Variants in CHN2 observed in about 807,000 individuals in gnomAD.
The protein encoded by CHN2 is beta-chimaerin.
A neutral mutation model predicts 56.3 loss-of-function variants in CHN2; 35 were observed. The ratio of observed to expected loss-of-function variants is 0.62; its 90% CI spans 0.47 to 0.82. The LOEUF (loss-of-function observed/expected upper bound fraction) is 0.82. Among genes scored for constraint, CHN2 ranks in the 40% least tolerant of loss-of-function variants. The probability of loss-of-function intolerance (pLI) is 0.00; values close to 1 mark genes in which losing one functional copy is unlikely to be tolerated. For missense variants in CHN2, 491 were observed against 580.5 expected (o/e 0.85, Z 1.58); for synonymous variants, 210 against 212.8 (o/e 0.99, Z 0.12).
At chr7:29,432,711 A>G (rs1290197244) in intron 6 of CHN2, among the ~76,000 whole-genome samples, 1 of 152,188 alleles carries the variant, frequency 6.6e-6, no homozygotes, top group East Asian at 1.9e-4. Context: ...ATGTAAAATC[A>G]TTTTATAATG....
At chr7:29,282,682 A>C (rs1359736567) in intron 1 of CHN2, among the ~76,000 whole-genome samples, 2 of 152,222 alleles carry the variant, frequency 1.3e-5, no homozygotes, top group Non-Finnish European at 2.9e-5. Context: ...AGGGAAAATA[A>C]ATTTGATACC....
At chr7:29,301,265 C>T (rs568984966) in intron 1 of CHN2, among the ~76,000 whole-genome samples, 2 of 151,432 alleles carry the variant, frequency 1.3e-5, no homozygotes, top group South Asian at 4.2e-4. Flanking sequence ...TCTAGCAGTT[C>T]CTACTTTCTT....
chr7:29,249,316 T>A (rs1310145139), intron 1 of CHN2, among the ~76,000 whole-genome samples: 1 of 152,146 alleles, frequency 6.6e-6, no homozygotes, highest in Non-Finnish European at 1.5e-5. Context: ...CCAGGGAGCC[T>A]GGGCTTATTG....
intron 2 of CHN2, among the ~76,000 whole-genome samples, chr7:29,175,372 C>T (rs1797170331): frequency 6.6e-6 from 1 of 151,956 alleles, no homozygotes; most frequent in Non-Finnish European, 1.5e-5. Context: ...GAGGGGGTTT[C>T]ACCATATTGG....
At chr7:29,278,954 G>T (rs1012275104) in intron 1 of CHN2, among the ~76,000 whole-genome samples, 9 of 151,830 alleles carry the variant, frequency 5.9e-5, no homozygotes, top group African/African-American at 1.9e-4. Flanking sequence ...CTCCCCCCAG[G>T]CCTGTCTCCC....
chr7:29,170,964 A>G (rs1796523325), intron 2 of CHN2, among the ~76,000 whole-genome samples: 1 of 151,952 alleles, frequency 6.6e-6, no homozygotes, highest in African/African-American at 2.4e-5. Context: ...TGCTTCAATT[A>G]CCTCCCACGG....
chr7:29,496,952 A>G (rs1789365748), intron 8 of CHN2, among the ~76,000 whole-genome samples: 1 of 152,156 alleles, frequency 6.6e-6, no homozygotes, highest in Non-Finnish European at 1.5e-5. Flanking sequence ...AAATCTCAGG[A>G]GCATTTAGAA....
Position 29,445,979 on chromosome 7 carries a change from G to T in CHN2, c.577-34300G>T, listed in dbSNP as rs1392427091. Among the ~76,000 whole-genome samples, 12 of 152,004 alleles carry T rather than the reference G, an allele frequency of 7.9e-5. No individual in the cohort carries two copies. The East Asian group carries it at 2.3e-3, about 30-fold the overall frequency. Reference sequence around the variant, plus strand: ...TACTCGTGCAGCTCTCTTGAAAGGCGAACATCTAGCTCAATGGTTCTCAGC... The same window carrying T: ...TACTCGTGCAGCTCTCTTGAAAGGCTAACATCTAGCTCAATGGTTCTCAGC... On this transcript the variant is annotated intron_variant, in intron 6 of 12. Coordinates refer to ENST00000222792, the MANE Select transcript of CHN2 (RefSeq NM_004067.4).
chr7:29,174,036 G>A (rs536038399), intron 2 of CHN2, among the ~76,000 whole-genome samples: 34 of 152,102 alleles, frequency 2.2e-4, no homozygotes, highest in Non-Finnish European at 3.8e-4. Flanking sequence ...AGACACAAGC[G>A]GAGTTCACAC....
chr7:29,232,507 G>A (rs1040010911), intron 1 of CHN2, among the ~76,000 whole-genome samples: 3 of 152,158 alleles, frequency 2.0e-5, no homozygotes, highest in Non-Finnish European at 4.4e-5. Flanking sequence ...TTCCTGTAGA[G>A]TTATATTCAA....
intron 1 of CHN2, among the ~76,000 whole-genome samples, chr7:29,267,587 A>G (rs1241048874): frequency 1.3e-5 from 2 of 152,124 alleles, no homozygotes; most frequent in African/African-American, 4.8e-5. Context: ...ACAAAAGGCC[A>G]CCTACTTTTC....
chr7:29,303,039 C>A (rs1793827891), intron 1 of CHN2, among the ~76,000 whole-genome samples: 1 of 152,200 alleles, frequency 6.6e-6, no homozygotes, highest in African/African-American at 2.4e-5. Context: ...CCAGGTCCAT[C>A]TAGGTTCCAG....
intron 1 of CHN2, among the ~76,000 whole-genome samples, chr7:29,257,235 G>A (rs943112420): frequency 1.3e-5 from 2 of 152,184 alleles, no homozygotes; most frequent in Non-Finnish European, 2.9e-5. Context: ...GGCTCTAAGT[G>A]TGGTCCATCC....
In CHN2 at chr7:29,328,013, G is replaced by A. The variant is rs147260086; in HGVS notation, c.50-26612G>A. ...ATTGTCAGACATGGATTCTATAGAC[G>A]TTTTGAACAGAAAGCTGAGATACTC... is the stretch of plus-strand genomic sequence containing the variant. On this transcript the variant is annotated intron_variant, in intron 1 of 12. Transcript: ENST00000222792. 1.2e-3 allele frequency among the ~76,000 whole-genome samples: 176 copies of A among 152,218 alleles called. 1 individual carries two copies. Among genetic ancestry groups the A allele is most frequent in the African/African-American group, 3.7e-3 (155 of 41,538 alleles).
chr7:29,364,097 T>G (rs1452836244), intron 2 of CHN2, among the ~76,000 whole-genome samples: 2 of 152,232 alleles, frequency 1.3e-5, no homozygotes, highest in African/African-American at 4.8e-5. Context: ...ATTTAACTTC[T>G]CTGCACTGTT....
intron 2 of CHN2, among the ~76,000 whole-genome samples, chr7:29,174,137 C>CAT (rs1796960673): frequency 6.6e-6 from 1 of 151,974 alleles, no homozygotes; most frequent in Admixed American, 6.6e-5. Context: ...GAGAGACCCC[C>CAT]CCGTTTGGTG....
chr7:29,314,874 TA>T (rs1020455740), intron 1 of CHN2, among the ~76,000 whole-genome samples: 1 of 151,196 alleles, frequency 6.6e-6, no homozygotes, highest in Non-Finnish European at 1.5e-5. Context: ...TTGTTTTATA[TA>T]TATATATAAT....
chr7:29,194,049 A>G (rs1354845192), upstream of CHN2: 1 of 152,320 alleles, frequency 6.6e-6, no homozygotes, highest in Non-Finnish European at 1.5e-5. Flanking sequence ...GGAGCGCTCC[A>G]TAGTGGCTCT....
chr7:29,385,711 C>G lies in CHN2; in HGVS notation c.145-7968C>G, dbSNP rs1236457909. On this transcript the variant is annotated intron_variant, in intron 3 of 12. Coordinates refer to ENST00000222792, the MANE Select transcript of CHN2 (RefSeq NM_004067.4). ...TGTCCCTTGAGGAGCAGAATCACCTCCCCTCCCAGTTGAGAACCACTGGCC... is the reference window on the plus strand; with the variant it reads ...TGTCCCTTGAGGAGCAGAATCACCTGCCCTCCCAGTTGAGAACCACTGGCC... Among the ~76,000 whole-genome samples, 4 of 152,194 alleles carry G rather than the reference C, an allele frequency of 2.6e-5. No homozygotes were observed. In the East Asian group the frequency reaches 7.7e-4, roughly 29 times the overall value.
Sources: allele counts gnomAD v4.1 joint callset (sites outside exome capture counted in the v4.1 genomes callset), GRCh38; gene constraint gnomAD v4.1.1; transcripts MANE v1.5; gene names NCBI Gene and HGNC (gene_info 2026-07-23, HGNC 2026-07-21).